Variants in MAP3K2 observed in about 807,000 individuals in gnomAD.
The protein encoded by MAP3K2 is mitogen-activated protein kinase kinase kinase 2.
MAP3K2 carries 24 observed loss-of-function variants against 80.3 expected under a neutral mutation model. The observed-to-expected ratio is 0.30, with a 90% CI of 0.22 to 0.42. MAP3K2 has a LOEUF of 0.42. Ranked by LOEUF, MAP3K2 falls within the 10% of genes least tolerant of loss-of-function variation. The pLI is 1.00. For synonymous variants in MAP3K2, 244 were observed against 253.7 expected, an observed-to-expected ratio of 0.96 and a Z score of 0.36; for missense variants, 608 against 750.1, an observed-to-expected ratio of 0.81 and a Z score of 2.21.
At chr2:127,350,954 G>A (rs1009796950) in intron 1 of MAP3K2, among the ~76,000 whole-genome samples, 4 of 152,142 alleles carry the variant, frequency 2.6e-5, no homozygotes, top group Non-Finnish European at 4.4e-5. Flanking sequence ...TCACCTCTGT[G>A]ATACTGCTAC....
At chr2:127,384,966 C>A (rs1314785946) in intron 1 of MAP3K2, among the ~76,000 whole-genome samples, 1 of 152,126 alleles carries the variant, frequency 6.6e-6, no homozygotes, top group Non-Finnish European at 1.5e-5. Flanking sequence ...ATGGAATCTA[C>A]TCCTAGTGAA....
In MAP3K2 at chr2:127,314,742, C is replaced by T. The variant is rs1685868650; in HGVS notation, c.1456+12G>A. The T allele has an allele frequency of 1.3e-6, 2 of 1,590,732 alleles. No individual in the cohort carries two copies. The highest frequency in any genetic ancestry group is 1.3e-5 in the African/African-American group (1 of 74,080). On this transcript the variant is annotated intron_variant, in intron 15 of 16. Coordinates refer to ENST00000682094, the MANE Select transcript of MAP3K2 (RefSeq NM_001371910.2). ...ACTGTGTACTTAAAATAGAAAATAC[C>T]TCATTACTTACCTTTGATATCTCTA...
chr2:127,327,717 A>C (rs536211581), intron 7 of MAP3K2, among the ~76,000 whole-genome samples: 28 of 152,346 alleles, frequency 1.8e-4, no homozygotes, highest in African/African-American at 6.7e-4. Context: ...CTTTTATAAA[A>C]ACAATTAAAA....
intron 1 of MAP3K2, among the ~76,000 whole-genome samples, chr2:127,349,931 G>C (rs1686663236): frequency 6.6e-6 from 1 of 152,086 alleles, no homozygotes; most frequent in Non-Finnish European, 1.5e-5. Context: ...CTGATGTGCA[G>C]TGGTACTATC....
chr2:127,328,025 A>C (rs1416385326), intron 7 of MAP3K2, among the ~76,000 whole-genome samples: 1 of 152,246 alleles, frequency 6.6e-6, no homozygotes, highest in African/African-American at 2.4e-5. Flanking sequence ...CTGTAATCCC[A>C]GCACTCTGGG....
chr2:127,341,430 G>A (rs191354829), intron 2 of MAP3K2, among the ~76,000 whole-genome samples: 1 of 151,150 alleles, frequency 6.6e-6, no homozygotes, highest in East Asian at 1.9e-4. Context: ...ATTTAATTGA[G>A]TTCCTTACTT....
At chr2:127,381,887 G>T (rs1687251203) in intron 1 of MAP3K2, among the ~76,000 whole-genome samples, 1 of 149,206 alleles carries the variant, frequency 6.7e-6, no homozygotes, top group Non-Finnish European at 1.5e-5. Flanking sequence ...TGGTATGGGG[G>T]AATACAGGAA....
chr2:127,308,100 A>C (rs1025655854), intron 16 of MAP3K2, among the ~76,000 whole-genome samples: 3 of 152,158 alleles, frequency 2.0e-5, no homozygotes, highest in African/African-American at 7.2e-5. Flanking sequence ...TTTTGTCTTT[A>C]TCTTACAAAG....
At chr2:127,383,546 T>C (rs1687288613) in intron 1 of MAP3K2, among the ~76,000 whole-genome samples, 4 of 152,248 alleles carry the variant, frequency 2.6e-5, no homozygotes, top group Admixed American at 6.5e-5. Context: ...CTTTACTGGA[T>C]TATTTGTCAA....
At chr2:127,384,048 TTTTGTTTG>T (rs564977918) in intron 1 of MAP3K2, among the ~76,000 whole-genome samples, 61 of 151,660 alleles carry the variant, frequency 4.0e-4, no homozygotes, top group Non-Finnish European at 2.9e-5. Flanking sequence ...TAGTGGTTTT[TTTTGTTTG>T]TTTGTTTGTT....
chr2:127,349,805 G>A (rs1248385302), intron 1 of MAP3K2, among the ~76,000 whole-genome samples: 1 of 152,032 alleles, frequency 6.6e-6, no homozygotes, highest in East Asian at 1.9e-4. Flanking sequence ...GTCACAAAGT[G>A]GTTGGGGAAG....
intron 1 of MAP3K2, among the ~76,000 whole-genome samples, chr2:127,351,458 A>C (rs1686690241): frequency 6.6e-6 from 1 of 152,064 alleles, no homozygotes; most frequent in Non-Finnish European, 1.5e-5. Context: ...AAACAAAGTG[A>C]AAAAAATCTA....
At chr2:127,373,317 A>T (rs1036877546) in intron 1 of MAP3K2, among the ~76,000 whole-genome samples, 2 of 152,226 alleles carry the variant, frequency 1.3e-5, no homozygotes, top group Non-Finnish European at 2.9e-5. Context: ...GTTTAATCAT[A>T]GCACCTGAAA....
chr2:127,347,671 T>A (rs1686622297), intron 1 of MAP3K2, among the ~76,000 whole-genome samples: 1 of 152,156 alleles, frequency 6.6e-6, no homozygotes, highest in African/African-American at 2.4e-5. Flanking sequence ...CCCAAAGTTA[T>A]CTACAGATTC....
intron 5 of MAP3K2, among the ~76,000 whole-genome samples, chr2:127,335,577 TA>T (rs1686350360): frequency 4.6e-5 from 7 of 152,152 alleles, no homozygotes; most frequent in Admixed American, 2.0e-4. Context: ...AGTTCACCAA[TA>T]AAGTACACAG....
At position 127,330,420 on chromosome 2, in the gene MAP3K2, A is replaced by G; in HGVS notation, c.350T>C (p.Ile117Thr). The G allele has an allele frequency of 1.2e-6, 2 of 1,603,380 alleles. No homozygotes were observed. The highest frequency in any genetic ancestry group is 1.7e-6 in the Non-Finnish European group (2 of 1,173,028). Residue 117 changes from isoleucine to threonine, a missense_variant, in exon 6 of 17, where the codon ATA (isoleucine) becomes ACA (threonine). This residue lies in a region of MAP3K2 where 467 missense variants were observed against 521.9 expected (regional missense o/e 0.89). Transcript: ENST00000682094. ...DRSIHMKSLK[I>T]LLVINGSTQA... ...TGTACTTCCATTTATTACAAGTAAT[A>G]TCTTGAGGCTCTTCATATGAATACT...
intron 1 of MAP3K2, among the ~76,000 whole-genome samples, chr2:127,349,652 G>T (rs1686659220): frequency 6.6e-6 from 1 of 152,076 alleles, no homozygotes. Flanking sequence ...TATAAAGTTG[G>T]ACAAAGCTAA....
In MAP3K2 at chr2:127,339,103, T is replaced by C; in HGVS notation, c.5-53A>G. Reference sequence around the variant, plus strand: ...TAGAATTGTAATTGTGACATATATATCAACATGTATAGACATCAAACACAA... The same window carrying C: ...TAGAATTGTAATTGTGACATATATACCAACATGTATAGACATCAAACACAA... On this transcript the variant is annotated intron_variant, in intron 2 of 16. Coordinates refer to ENST00000682094, the MANE Select transcript of MAP3K2 (RefSeq NM_001371910.2). The surrounding 1 kb of genome is among the most constrained non-coding windows in gnomAD (Gnocchi z 4.2). 9.2e-7 allele frequency: 1 copy of C among 1,081,706 alleles called. No homozygotes were observed. Among genetic ancestry groups the C allele is most frequent in the Non-Finnish European group, 1.4e-6 (1 of 722,982 alleles). 67.0% of individuals were successfully genotyped at this position (1,081,706 alleles called of 1,614,324 possible).
At chr2:127,333,510 CAT>C (rs1018777943) in intron 5 of MAP3K2, among the ~76,000 whole-genome samples, 5 of 152,188 alleles carry the variant, frequency 3.3e-5, no homozygotes, top group African/African-American at 1.2e-4. Flanking sequence ...TGCCTGACCA[CAT>C]GTCCACAAAA....
Sources: gnomAD v4.1 joint callset for allele counts (sites outside exome capture counted in the v4.1 genomes callset) on GRCh38, gnomAD v4.1.1 for gene constraint, gnomAD v4.1.1 regional missense constraint, Gnocchi (gnomAD v3.1) non-coding constraint, MANE v1.5 for transcripts, NCBI Gene and HGNC (gene_info 2026-07-23, HGNC 2026-07-21) for gene names.